Variants in THOC1 observed in about 807,000 individuals in gnomAD.
THOC1 encodes the protein THO complex 1.
In THOC1, 29 loss-of-function variants were observed where a neutral mutation model predicts 97.3. The observed-to-expected ratio is 0.30, with a 90% CI of 0.22 to 0.41. The LOEUF (loss-of-function observed/expected upper bound fraction) is 0.41. Ranked by LOEUF, THOC1 falls within the 10% of genes least tolerant of loss-of-function variation. THOC1 has a pLI of 1.00. For synonymous variants in THOC1, 255 were observed against 257.0 expected (o/e 0.99, Z 0.07); for missense variants, 529 against 761.9 (o/e 0.69, Z 3.60).
At chr18:217,199 T>C (rs912813092) in intron 18 of THOC1, among the ~76,000 whole-genome samples, 1 of 152,222 alleles carries the variant, frequency 6.6e-6, no homozygotes, top group African/African-American at 2.4e-5. Context: ...GTTTATTTGG[T>C]CACCTCTTAT....
intron 11 of THOC1, among the ~76,000 whole-genome samples, chr18:236,523 A>ATT (rs527643205): frequency 2.3e-4 from 33 of 144,636 alleles, no homozygotes; most frequent in Admixed American, 3.4e-4. Context: ...CGCCCGGCTA[A>ATT]TTTTTTTTTT....
intron 11 of THOC1, among the ~76,000 whole-genome samples, chr18:235,285 T>TAAC (rs919131667): frequency 1.8e-4 from 28 of 152,154 alleles, no homozygotes; most frequent in African/African-American, 6.8e-4. Context: ...TTTCTTTTTA[T>TAAC]AACATTTTCT....
In THOC1 at chr18:215,610, CCAGAA is replaced by C; in HGVS notation, c.1603-111_1603-107del. 4 of 832,540 alleles carry C rather than the reference CCAGAA, an allele frequency of 4.8e-6. No individual in the cohort carries two copies. The South Asian group carries it at 6.0e-5, about 12-fold the overall frequency. The allele number at this position is 832,540 out of a possible 1,614,324, so 51.6% of individuals were successfully genotyped here. On this transcript the variant is annotated intron_variant, in intron 19 of 20. Transcript: ENST00000261600. ...GTTGTGAGATTCCAAGTACAGGGTG[CCAGAA>C]CCTCACCCCTGAGAGCGTTAAATGA...
At chr18:229,817 C>G (rs1598293042) in intron 11 of THOC1, among the ~76,000 whole-genome samples, 1 of 152,160 alleles carries the variant, frequency 6.6e-6, no homozygotes, top group South Asian at 2.1e-4. Context: ...TAGTTTTTCT[C>G]TAATCTCACA....
intron 11 of THOC1, among the ~76,000 whole-genome samples, chr18:231,319 C>T (rs538804824): frequency 6.6e-6 from 1 of 152,258 alleles, no homozygotes; most frequent in African/African-American, 2.4e-5. Context: ...CCTAAAAAGG[C>T]TCATGCTTTT....
At position 214,610 on chromosome 18, in the gene THOC1, A is replaced by G. The variant is rs1910796790; in HGVS notation, c.*16T>C. 1.3e-6 allele frequency: 2 copies of G among 1,578,690 alleles called. No homozygotes were observed. Among genetic ancestry groups the G allele is most frequent in the Admixed American group, 1.8e-5 (1 of 54,298 alleles). On this transcript the variant is annotated 3_prime_UTR_variant, in exon 21 of 21. Coordinates refer to ENST00000261600, the MANE Select transcript of THOC1 (RefSeq NM_005131.3). ...AAAATCTATCACAGTTTTAATAAAA[A>G]GAAAAAAAAAAGAAGCTAACTATTT...
chr18:267,141 A>C (rs546355934), intron 1 of THOC1, among the ~76,000 whole-genome samples: 1 of 152,262 alleles, frequency 6.6e-6, no homozygotes, highest in East Asian at 1.9e-4. Flanking sequence ...CGAATATCTG[A>C]GAAATGTTGG....
chr18:235,861 G>A (rs894820077), intron 11 of THOC1, among the ~76,000 whole-genome samples: 6 of 152,114 alleles, frequency 3.9e-5, no homozygotes, highest in Admixed American at 1.3e-4. Context: ...TACTGTCATT[G>A]TTCAAATCTT....
At chr18:249,756 C>G (rs891403847) in intron 9 of THOC1, among the ~76,000 whole-genome samples, 1 of 151,892 alleles carries the variant, frequency 6.6e-6, no homozygotes, top group Admixed American at 6.6e-5. Context: ...TATTTACATT[C>G]ATGAAAGAAC....
At chr18:248,951 C>T (rs542670393) in intron 9 of THOC1, among the ~76,000 whole-genome samples, 4 of 152,150 alleles carry the variant, frequency 2.6e-5, no homozygotes, top group African/African-American at 4.8e-5. Context: ...AGCATTTCAC[C>T]GTGTTATCCA....
At chr18:224,758 G>A (rs1911219398) in intron 15 of THOC1, among the ~76,000 whole-genome samples, 166 bp downstream of exon 15, 2 of 152,080 alleles carry the variant, frequency 1.3e-5, no homozygotes, top group Admixed American at 6.6e-5. Flanking sequence ...AAATACAGAG[G>A]TAAATCAAAG....
At chr18:216,793 C>T (rs984824469) in intron 18 of THOC1, among the ~76,000 whole-genome samples, 160 bp from the exon 19 acceptor site, 5 of 152,162 alleles carry the variant, frequency 3.3e-5, no homozygotes, top group Non-Finnish European at 7.3e-5. Context: ...AGTATGTAGT[C>T]CACTGATAAT....
At chr18:267,500 T>TA (rs1172650230) in intron 1 of THOC1, among the ~76,000 whole-genome samples, 16 of 152,226 alleles carry the variant, frequency 1.1e-4, no homozygotes, top group African/African-American at 3.9e-4. Flanking sequence ...GCTTAGGAGT[T>TA]AGACACGGTG....
intron 11 of THOC1, among the ~76,000 whole-genome samples, chr18:229,843 T>C (rs1268279700): frequency 5.3e-5 from 8 of 152,090 alleles, no homozygotes; most frequent in Admixed American, 3.3e-4. Flanking sequence ...CTCTTCAATC[T>C]TCTCCTCTTC....
At chr18:253,902 ATTTTTTT>A (rs35294329) in intron 8 of THOC1, among the ~76,000 whole-genome samples, 2 of 133,964 alleles carry the variant, frequency 1.5e-5, no homozygotes, top group African/African-American at 2.8e-5. Context: ...TTTACATGAA[ATTTTTTT>A]TTTTTTTTTT....
In THOC1 at chr18:214,668, G is replaced by A; in HGVS notation, c.1932C>T (p.Asp644=). Residue 644 remains aspartate, a synonymous_variant, in exon 21 of 21, where the codon GAC becomes GAT. Coordinates refer to ENST00000261600, the MANE Select transcript of THOC1 (RefSeq NM_005131.3). ...TGTCATTAGTTAGACTTTCTGCAAG[G>A]TCACTTAATCCAGACTTATTCAGTG... The part of the protein sequence containing the change: ...INALNKSGLS[D]LAESLTNDNE... 1.2e-6 allele frequency: 2 copies of A among 1,613,752 alleles called. No individual in the cohort carries two copies. Among genetic ancestry groups the A allele is most frequent in the Non-Finnish European group, 1.7e-6 (2 of 1,179,768 alleles).
At chr18:224,275 C>T in intron 15 of THOC1, 96 bp from the exon 16 acceptor site, 1 of 1,022,156 alleles carries the variant, frequency 9.8e-7, no homozygotes, top group Non-Finnish European at 1.5e-6. Context: ...TTATTGTTTT[C>T]CTCTTAAAAA....
chr18:231,942 T>C (rs1911499308), intron 11 of THOC1, among the ~76,000 whole-genome samples: 3 of 152,246 alleles, frequency 2.0e-5, no homozygotes, highest in Admixed American at 6.5e-5. Context: ...AGTTCAGGGA[T>C]TGGCAAATCT....
At chr18:252,421 T>C (rs1912306970) in intron 9 of THOC1, 118 bp downstream of exon 9, 1 of 774,772 alleles carries the variant, frequency 1.3e-6, no homozygotes, top group Non-Finnish European at 2.1e-6. Flanking sequence ...AAATTACAAA[T>C]GAAAGAAATT....
Sources: allele counts gnomAD v4.1 joint callset (sites outside exome capture counted in the v4.1 genomes callset), GRCh38; gene constraint gnomAD v4.1.1; transcripts MANE v1.5; gene names NCBI Gene and HGNC (gene_info 2026-07-23, HGNC 2026-07-21).